ZBED6: variants seen among roughly 807,000 people sequenced by gnomAD.
ZBED6 encodes zinc finger BED domain-containing protein 6.
In ZBED6, 40 loss-of-function variants were observed where a neutral mutation model predicts 58.4. The observed-to-expected ratio is 0.68, with a 90% CI of 0.53 to 0.89. ZBED6 has a LOEUF of 0.89. ZBED6 is among the 40% of genes least tolerant of loss of function. The probability of loss-of-function intolerance (pLI) is 0.00; values close to 1 mark genes in which losing one functional copy is unlikely to be tolerated. For missense variants in ZBED6, 1,057 were observed against 1,003.9 expected (o/e 1.05, Z -0.71); for synonymous variants, 439 against 350.6 (o/e 1.25, Z -2.82).
intron 11 of ZBED6, among the ~76,000 whole-genome samples, chr1:203,844,983 A>T (rs76757055): frequency 0.018 from 2,678 of 151,996 alleles, 74 homozygotes; most frequent in African/African-American, 0.057. Context: ...GACTGGCCCA[A>T]CTGTTCTATA....
At chr1:203,819,067 CAAAAAA>C (rs747588582) in intron 3 of ZBED6, among the ~76,000 whole-genome samples, 15 of 97,152 alleles carry the variant, frequency 1.5e-4, no homozygotes, top group Admixed American at 2.8e-4. Context: ...CACTCCGTCT[CAAAAAA>C]AAAAATATAT....
chr1:203,847,316 C>A (rs1240930244), exon 12 of ZBED6: 1 of 1,613,922 alleles, frequency 6.2e-7, no homozygotes, highest in Non-Finnish European at 8.5e-7. Flanking sequence ...GATGATTCTA[C>A]TTCAGGAGCA....
intron 11 of ZBED6, among the ~76,000 whole-genome samples, chr1:203,842,466 C>T (rs538240970): frequency 2.6e-5 from 4 of 152,034 alleles, no homozygotes; most frequent in Admixed American, 1.3e-4. Context: ...AGTGTGGCGG[C>T]GCGCGCCTGC....
At chr1:203,796,414 G>C in exon 1 of ZBED6, 1 of 399,082 alleles carries the variant, frequency 2.5e-6, no homozygotes, top group Non-Finnish European at 4.4e-6. Flanking sequence ...CAGCGTCGGA[G>C]TCAAGAGCAA....
intron 8 of ZBED6, among the ~76,000 whole-genome samples, chr1:203,833,364 C>CAA (rs34277550): frequency 7.6e-4 from 54 of 71,100 alleles, no homozygotes; most frequent in African/African-American, 2.2e-3. Context: ...GACTCTGTCT[C>CAA]AAAAAAAAAA....
chr1:203,838,003 A>C (rs1278603961), exon 10 of ZBED6: 1 of 1,614,210 alleles, frequency 6.2e-7, no homozygotes, highest in Admixed American at 1.7e-5. Context: ...GTAGCCTGGC[A>C]CAGAGGCTAG....
chr1:203,841,809 G>A (rs1204989845), intron 11 of ZBED6, among the ~76,000 whole-genome samples: 11 of 144,494 alleles, frequency 7.6e-5, no homozygotes, highest in Non-Finnish European at 1.4e-4. Flanking sequence ...CGGACGGGGC[G>A]GCTGCCGGGC....
At chr1:203,852,806 G>A (rs1461733772) in exon 17 of ZBED6, 1 of 185,552 alleles carries the variant, frequency 5.4e-6, no homozygotes, top group East Asian at 1.6e-4. Flanking sequence ...GTTTGAAATG[G>A]ATGAAGACAG....
At chr1:203,828,166 C>A (rs1013836323) in intron 3 of ZBED6, 133 bp from the exon 4 acceptor site, 2 of 1,020,756 alleles carry the variant, frequency 2.0e-6, no homozygotes, top group Non-Finnish European at 2.9e-6. Context: ...ATCTCTCTTC[C>A]TTCTAAAAAT....
chr1:203,810,349 T>A (rs1447136073), intron 1 of ZBED6, among the ~76,000 whole-genome samples: 2 of 152,064 alleles, frequency 1.3e-5, no homozygotes, highest in Non-Finnish European at 2.9e-5. Flanking sequence ...TGTATAAAGA[T>A]GATATATAAA....
At chr1:203,850,393 T>C (rs1260289695) in intron 14 of ZBED6, 122 bp from the exon 15 acceptor site, 12 of 1,450,208 alleles carry the variant, frequency 8.3e-6, no homozygotes, top group Middle Eastern at 1.7e-4. Context: ...TTCAGTCTCT[T>C]TTTAAATGAA....
chr1:203,814,199 C>A (rs556206507), intron 1 of ZBED6, among the ~76,000 whole-genome samples: 1 of 152,238 alleles, frequency 6.6e-6, no homozygotes, highest in South Asian at 2.1e-4. Flanking sequence ...CCAACACAAC[C>A]CAATTCTAAG....
At chr1:203,830,287 G>A in intron 7 of ZBED6, 84 bp downstream of exon 7, 2 of 1,026,306 alleles carry the variant, frequency 1.9e-6, no homozygotes, top group Non-Finnish European at 2.9e-6. Context: ...CAGCCAAAAT[G>A]AGCAAATAGA....
At chr1:203,829,513 C>G in exon 5 of ZBED6, 1 of 1,613,998 alleles carries the variant, frequency 6.2e-7, no homozygotes, top group Non-Finnish European at 8.5e-7. Flanking sequence ...ACTTTCAGTT[C>G]AGCAGAACAA....
chr1:203,810,039 T>A (rs1373123092), intron 1 of ZBED6, among the ~76,000 whole-genome samples: 1 of 152,128 alleles, frequency 6.6e-6, no homozygotes, highest in Non-Finnish European at 1.5e-5. Flanking sequence ...CTTAAGAAAT[T>A]TATGGATGTG....
chr1:203,850,294 G>T, intron 14 of ZBED6: 2 of 689,778 alleles, frequency 2.9e-6, no homozygotes, highest in Admixed American at 2.7e-5. Context: ...AAGGAATAGA[G>T]GAATGGTAAC....
At position 203,844,748 on chromosome 1, in the gene ZBED6, A is replaced by G. The variant is rs1369235440; in HGVS notation, c.*3742-2436A>G. Among the ~76,000 whole-genome samples, 3 of 152,240 alleles carry G rather than the reference A, an allele frequency of 2.0e-5. No individual in the cohort carries two copies. The East Asian group carries it at 5.8e-4, about 29-fold the overall frequency. Reference sequence around the variant, plus strand: ...CTGAAGATGGGAGGTCTGGGGGCTCATACAATTGCCACAGTAAGACTTTAT... The same window carrying G: ...CTGAAGATGGGAGGTCTGGGGGCTCGTACAATTGCCACAGTAAGACTTTAT... On this transcript the variant is annotated intron_variant, in intron 11 of 16. Transcript: ENST00000550078.
chr1:203,824,575 A>G (rs1679868743), intron 3 of ZBED6, among the ~76,000 whole-genome samples: 1 of 152,186 alleles, frequency 6.6e-6, no homozygotes, highest in Non-Finnish European at 1.5e-5. Flanking sequence ...CATGTGTCAC[A>G]TTGGTTCACA....
intron 4 of ZBED6, chr1:203,829,219 G>C (rs6665955): frequency 1.8e-6 from 1 of 565,876 alleles, no homozygotes; most frequent in Non-Finnish European, 3.1e-6. Context: ...GTCTTCTGTT[G>C]ATTCTGTTTT....
Sources: gnomAD v4.1 joint callset for allele counts (sites outside exome capture counted in the v4.1 genomes callset) on GRCh38, gnomAD v4.1.1 for gene constraint, MANE v1.5 for transcripts, NCBI Gene and HGNC (gene_info 2026-07-23, HGNC 2026-07-21) for gene names.